The following TTC23 variants were observed in gnomAD, a reference collection of about 807,000 sequenced individuals.
TTC23 encodes the protein tetratricopeptide repeat protein 23.
TTC23 carries 58 observed loss-of-function variants against 55.1 expected under a neutral mutation model. The ratio of observed to expected loss-of-function variants is 1.05; its 90% CI spans 0.85 to 1.31. The LOEUF (loss-of-function observed/expected upper bound fraction) is 1.31. Among genes scored for constraint, TTC23 ranks in the 50% most tolerant of loss-of-function variants. The pLI is 0.00. For missense variants in TTC23, 516 were observed against 534.4 expected, an observed-to-expected ratio of 0.97 and a Z score of 0.34; for synonymous variants, 203 against 199.9, an observed-to-expected ratio of 1.02 and a Z score of -0.13.
chr15:99,232,874 C>A (rs1450503242), intron 4 of TTC23, among the ~76,000 whole-genome samples: 4 of 152,048 alleles, frequency 2.6e-5, no homozygotes, highest in Non-Finnish European at 5.9e-5. Flanking sequence ...GATCAAGATA[C>A]GGTGTTAATG....
At chr15:99,215,042 G>T (rs2077364195) in intron 8 of TTC23, among the ~76,000 whole-genome samples, 1 of 151,534 alleles carries the variant, frequency 6.6e-6, no homozygotes, top group South Asian at 2.1e-4. Flanking sequence ...TTTTAGTAGA[G>T]ACAGGGTCTC....
intron 9 of TTC23, among the ~76,000 whole-genome samples, chr15:99,186,320 A>G (rs1455100489): frequency 6.6e-6 from 1 of 152,208 alleles, no homozygotes; most frequent in African/African-American, 2.4e-5. Flanking sequence ...CTGAACTCCA[A>G]CCCAGATTTT....
chr15:99,246,574 C>G (rs2080257752), intron 1 of TTC23, among the ~76,000 whole-genome samples: 1 of 150,340 alleles, frequency 6.7e-6, no homozygotes, highest in African/African-American at 2.5e-5. Flanking sequence ...GAGATCGAGC[C>G]ACTGTACTCC....
chr15:99,196,065 T>A (rs2075678682), intron 9 of TTC23, among the ~76,000 whole-genome samples: 1 of 148,640 alleles, frequency 6.7e-6, no homozygotes, highest in Non-Finnish European at 1.5e-5. Context: ...GGCACGAGAA[T>A]CCCTTGAACC....
At chr15:99,236,395 A>G (rs2152084831) in intron 3 of TTC23, among the ~76,000 whole-genome samples, 1 of 152,096 alleles carries the variant, frequency 6.6e-6, no homozygotes, top group East Asian at 1.9e-4. Context: ...GAGATCCTCA[A>G]CATCTTCTCA....
At chr15:99,230,353 G>A (rs1263175873) in intron 4 of TTC23, among the ~76,000 whole-genome samples, 1 of 152,122 alleles carries the variant, frequency 6.6e-6, no homozygotes, top group East Asian at 1.9e-4. Context: ...TCAGTGGGCT[G>A]TAAAACAACT....
intron 12 of TTC23, 39 bp from the exon 13 acceptor site, chr15:99,139,438 T>G (rs782000964): frequency 1.5e-5 from 25 of 1,613,538 alleles, no homozygotes; most frequent in African/African-American, 5.3e-5. Context: ...GCTATGGAAG[T>G]GTCGCTGAGA....
chr15:99,154,800 A>T (rs1237392742), intron 12 of TTC23, among the ~76,000 whole-genome samples: 1 of 152,228 alleles, frequency 6.6e-6, no homozygotes, highest in Non-Finnish European at 1.5e-5. Flanking sequence ...ATTGATGGAT[A>T]CTTTCTTAAC....
chr15:99,218,960 A>T lies in TTC23; in HGVS notation c.393T>A (p.Asp131Glu), dbSNP rs1338306245. ...SIVPPYSENT[D>E]VFKFSIELFH... ...AAAGCTCAATGGAAAACTTGAAAAC[A>T]TCTGTATTCTCACTATAGGGAGGCA... The change falls in exon 7 of 14, where the codon GAT becomes GAA. Residue 131 changes from aspartate to glutamate, a missense_variant. Asp to Glu is a conservative substitution (Grantham distance 45). Coordinates refer to ENST00000394132, the MANE Select transcript of TTC23 (RefSeq NM_001288615.3). The T allele has an allele frequency of 6.2e-7, 1 of 1,614,108 alleles. No individual in the cohort carries two copies. The highest frequency in any genetic ancestry group is 1.3e-5 in the African/African-American group (1 of 74,942).
chr15:99,230,228 T>C (rs2152072249), intron 4 of TTC23, among the ~76,000 whole-genome samples: 2 of 152,202 alleles, frequency 1.3e-5, no homozygotes, highest in Admixed American at 6.5e-5. Flanking sequence ...AACTTCTAGA[T>C]AGAAAAATTA....
chr15:99,151,895 G>C (rs1555497116), intron 12 of TTC23, among the ~76,000 whole-genome samples: 2 of 152,144 alleles, frequency 1.3e-5, no homozygotes, highest in Non-Finnish European at 2.9e-5. Flanking sequence ...ACAACTCTGA[G>C]CCACGAGATC....
At chr15:99,225,891 C>T (rs2078363427) in intron 5 of TTC23, among the ~76,000 whole-genome samples, 1 of 152,222 alleles carries the variant, frequency 6.6e-6, no homozygotes, top group African/African-American at 2.4e-5. Context: ...AGGTTGGCAT[C>T]ACTGTACGAA....
intron 8 of TTC23, among the ~76,000 whole-genome samples, chr15:99,209,119 T>C (rs1371307851): frequency 6.6e-6 from 1 of 152,194 alleles, no homozygotes; most frequent in East Asian, 1.9e-4. Context: ...GGAGACACTA[T>C]CTCATTGCAG....
At position 99,221,539 on chromosome 15, in the gene TTC23, G is replaced by C. The variant is rs563772989; in HGVS notation, c.304+202C>G. On this transcript the variant is annotated intron_variant, in intron 6 of 13. Coordinates refer to ENST00000394132, the MANE Select transcript of TTC23 (RefSeq NM_001288615.3). ...AAACAAAAACAAAAAAACCAGAAAAGTTAAAATATTTTTTCCATTTTTCCC... is the reference window on the plus strand; with the variant it reads ...AAACAAAAACAAAAAAACCAGAAAACTTAAAATATTTTTTCCATTTTTCCC... Among the ~76,000 whole-genome samples, 6 of 152,158 alleles carry C rather than the reference G, an allele frequency of 3.9e-5. No individual in the cohort carries two copies. The South Asian group carries it at 6.2e-4, about 16-fold the overall frequency.
At chr15:99,196,219 A>G (rs2075697069) in intron 9 of TTC23, among the ~76,000 whole-genome samples, 1 of 152,110 alleles carries the variant, frequency 6.6e-6, no homozygotes, top group Non-Finnish European at 1.5e-5. Flanking sequence ...TTGAGACTCT[A>G]TTCTGTAAAA....
At chr15:99,242,646 A>G (rs1222828163) in intron 2 of TTC23, among the ~76,000 whole-genome samples, 1 of 152,258 alleles carries the variant, frequency 6.6e-6, no homozygotes, top group Non-Finnish European at 1.5e-5. Flanking sequence ...ATTATGATCA[A>G]GGGGAGTTTA....
At chr15:99,200,882 G>A (rs1164395298) in intron 8 of TTC23, among the ~76,000 whole-genome samples, 1 of 152,206 alleles carries the variant, frequency 6.6e-6, no homozygotes, top group Non-Finnish European at 1.5e-5. Flanking sequence ...ACTGTGGAAT[G>A]CCACGTAGCC....
chr15:99,187,996 T>G (rs1365025621), intron 9 of TTC23, among the ~76,000 whole-genome samples: 2 of 151,980 alleles, frequency 1.3e-5, no homozygotes, highest in Non-Finnish European at 2.9e-5. Flanking sequence ...TATAGCCTTA[T>G]ACCCAAGAGA....
chr15:99,193,263 T>G lies in TTC23; in HGVS notation c.759+6656A>C, dbSNP rs563710525. On this transcript the variant is annotated intron_variant, in intron 9 of 13. Transcript: ENST00000394132. ...TTTTGAAATGTGAAGATATTAGATT[T>G]TGGAGAGGCCGGGGGCAGAATGATA... Among the ~76,000 whole-genome samples, 6 of 152,302 alleles carry G rather than the reference T, an allele frequency of 3.9e-5. No individual in the cohort carries two copies. In the East Asian group the frequency reaches 1.2e-3, roughly 29 times the overall value.
Sources: allele counts gnomAD v4.1 joint callset (sites outside exome capture counted in the v4.1 genomes callset), GRCh38; gene constraint gnomAD v4.1.1; transcripts MANE v1.5; gene names NCBI Gene and HGNC (gene_info 2026-07-23, HGNC 2026-07-21).